JARID2: variants seen among roughly 807,000 people sequenced by gnomAD.
The protein encoded by JARID2 is jumonji and AT-rich interaction domain containing 2.
A neutral mutation model predicts 125.6 loss-of-function variants in JARID2; 21 were observed. The observed-to-expected ratio is 0.17, with a 90% CI of 0.12 to 0.24. The LOEUF is 0.24. Among genes scored for constraint, JARID2 ranks in the 10% least tolerant of loss-of-function variants. The pLI is 1.00. For synonymous variants in JARID2, 736 were observed against 661.6 expected, an observed-to-expected ratio of 1.11 and a Z score of -1.73; for missense variants, 1,303 against 1,639.6, an observed-to-expected ratio of 0.79 and a Z score of 3.55.
chr6:15,468,750 A>T (rs1224568359), intron 5 of JARID2, 32 bp downstream of exon 5: 2 of 1,587,854 alleles, frequency 1.3e-6, no homozygotes, highest in Non-Finnish European at 1.7e-6. Flanking sequence ...GATAAGAAAA[A>T]ATCTAAAGCT....
chr6:15,350,518 G>A (rs564733344), intron 1 of JARID2, among the ~76,000 whole-genome samples: 2 of 152,182 alleles, frequency 1.3e-5, no homozygotes, highest in South Asian at 2.1e-4. Flanking sequence ...AGATGTGCTC[G>A]GTATTCACAT....
intron 1 of JARID2, among the ~76,000 whole-genome samples, chr6:15,277,982 T>G (rs181785939): frequency 6.6e-6 from 1 of 152,300 alleles, no homozygotes; most frequent in African/African-American, 2.4e-5. Context: ...GCGCAGTGGT[T>G]CATGCCTGTA....
At chr6:15,280,982 A>G (rs972973977) in intron 1 of JARID2, among the ~76,000 whole-genome samples, 1 of 152,120 alleles carries the variant, frequency 6.6e-6, no homozygotes, top group South Asian at 2.1e-4. Context: ...TATGCTGCAA[A>G]ATACGCTTGC....
intron 2 of JARID2, among the ~76,000 whole-genome samples, chr6:15,405,865 C>T (rs924785751): frequency 6.6e-6 from 1 of 152,180 alleles, no homozygotes; most frequent in African/African-American, 2.4e-5. Context: ...CGTCATATTC[C>T]ATCTTGCTGA....
At chr6:15,462,989 C>A (rs1768524206) in intron 4 of JARID2, among the ~76,000 whole-genome samples, 1 of 152,154 alleles carries the variant, frequency 6.6e-6, no homozygotes, top group Admixed American at 6.5e-5. Context: ...GAGACATTGC[C>A]AGCTAATTCT....
At chr6:15,404,039 C>T (rs1765547250) in intron 2 of JARID2, among the ~76,000 whole-genome samples, 1 of 152,190 alleles carries the variant, frequency 6.6e-6, no homozygotes. Flanking sequence ...TAATTATTTT[C>T]CATAAGCCGA....
intron 4 of JARID2, among the ~76,000 whole-genome samples, chr6:15,467,608 A>C (rs1279918957): frequency 1.3e-5 from 2 of 151,708 alleles, no homozygotes; most frequent in African/African-American, 4.8e-5. Context: ...TTGGGAGGCC[A>C]AGGCAGGAGG....
intron 16 of JARID2, among the ~76,000 whole-genome samples, chr6:15,514,721 C>T (rs1048042606): frequency 1.3e-5 from 2 of 152,156 alleles, no homozygotes; most frequent in African/African-American, 4.8e-5. Context: ...ACGCAAATCA[C>T]ATTGTATCAG....
At chr6:15,366,883 CT>C (rs1180386273) in intron 1 of JARID2, among the ~76,000 whole-genome samples, 2 of 152,096 alleles carry the variant, frequency 1.3e-5, no homozygotes, top group Non-Finnish European at 2.9e-5. Flanking sequence ...GTGTGTCACA[CT>C]TACAATCCTG....
intron 2 of JARID2, among the ~76,000 whole-genome samples, chr6:15,398,298 G>A (rs1043561428): frequency 1.3e-5 from 2 of 152,212 alleles, no homozygotes; most frequent in Non-Finnish European, 2.9e-5. Context: ...ATATTTCACT[G>A]TTGAAACTTA....
chr6:15,496,785 C>G lies in JARID2; in HGVS notation c.1560C>G (p.Ala520=), dbSNP rs751029096. The change falls in exon 7 of 18, where the codon GCC becomes GCG. Residue 520 remains alanine (A), a synonymous_variant. Coordinates refer to ENST00000341776, the MANE Select transcript of JARID2 (RefSeq NM_004973.4). The part of the protein sequence containing the change: ...GRQAHGKADS[A]SCENRSTSQP... The stretch of plus-strand genomic sequence containing the variant: ...AAGCACATGGCAAGGCGGACAGCGC[C>G]TCCTGTGAAAATCGTTCTACCTCGC... 37 of 1,611,816 alleles carry G rather than the reference C, an allele frequency of 2.3e-5. No individual in the cohort carries two copies. Among genetic ancestry groups the G allele is most frequent in the Non-Finnish European group, 3.0e-5 (35 of 1,179,048 alleles).
chr6:15,248,553 C>T (rs1356753779), intron 1 of JARID2: 1 of 150,686 alleles, frequency 6.6e-6, no homozygotes, highest in Non-Finnish European at 1.5e-5. Context: ...GGCCGGCTTC[C>T]CGCGGCCCTG....
intron 1 of JARID2, among the ~76,000 whole-genome samples, chr6:15,265,703 C>T (rs576915935): frequency 2.6e-5 from 4 of 152,272 alleles, no homozygotes; most frequent in African/African-American, 7.2e-5. Context: ...GCTGTCTTAA[C>T]AGTGTAAGGT....
At chr6:15,373,859 A>G (rs2127515271) in intron 1 of JARID2, among the ~76,000 whole-genome samples, 1 of 152,134 alleles carries the variant, frequency 6.6e-6, no homozygotes, top group East Asian at 1.9e-4. Flanking sequence ...AACGTATTTG[A>G]TTTTGGGGCG....
chr6:15,384,352 C>G (rs1166609407), intron 2 of JARID2, among the ~76,000 whole-genome samples: 1 of 150,782 alleles, frequency 6.6e-6, no homozygotes, highest in Non-Finnish European at 1.5e-5. Flanking sequence ...GTTTAAGCCA[C>G]TGTGCCTGGC....
intron 2 of JARID2, among the ~76,000 whole-genome samples, chr6:15,383,751 A>T (rs1764678873): frequency 6.6e-6 from 1 of 152,128 alleles, no homozygotes; most frequent in Admixed American, 6.5e-5. Context: ...ACCGTGATTG[A>T]ACATCTCCTG....
chr6:15,381,286 G>A (rs1764574617), intron 2 of JARID2, among the ~76,000 whole-genome samples: 1 of 146,400 alleles, frequency 6.8e-6, no homozygotes, highest in African/African-American at 2.5e-5. Flanking sequence ...AGCTTGCAGT[G>A]AGCCAGATCG....
chr6:15,318,864 G>A (rs1361023084), intron 1 of JARID2, among the ~76,000 whole-genome samples: 1 of 152,186 alleles, frequency 6.6e-6, no homozygotes, highest in Non-Finnish European at 1.5e-5. Flanking sequence ...TGGTTATTGG[G>A]AAGAGGGCTG....
chr6:15,290,734 T>G (rs898257410), intron 1 of JARID2, among the ~76,000 whole-genome samples: 1 of 152,158 alleles, frequency 6.6e-6, no homozygotes, highest in African/African-American at 2.4e-5. Flanking sequence ...TTCTCCTGCC[T>G]CAGCCTCCTG....
Sources: allele counts gnomAD v4.1 joint callset (sites outside exome capture counted in the v4.1 genomes callset), GRCh38; gene constraint gnomAD v4.1.1; transcripts MANE v1.5; gene names NCBI Gene and HGNC (gene_info 2026-07-23, HGNC 2026-07-21).